NSD1: variants seen among roughly 807,000 people sequenced by gnomAD.
NSD1 encodes the protein nuclear receptor binding SET domain protein 1, also known as histone-lysine N-methyltransferase, H3 lysine-36 specific.
Under a neutral mutation model 242.7 loss-of-function variants are expected in NSD1, and 26 were observed. That is an observed-to-expected ratio of 0.11 (90% CI 0.08 to 0.15). NSD1 has a LOEUF of 0.15. Ranked by LOEUF, NSD1 falls within the 10% of genes least tolerant of loss-of-function variation. The probability of loss-of-function intolerance (pLI) is 1.00; values close to 1 mark genes in which losing one functional copy is unlikely to be tolerated. For missense variants in NSD1, 2,495 were observed against 3,272.8 expected, an observed-to-expected ratio of 0.76 and a Z score of 5.80; for synonymous variants, 1,106 against 1,178.1, an observed-to-expected ratio of 0.94 and a Z score of 1.25.
intron 3 of NSD1, among the ~76,000 whole-genome samples, chr5:177,199,117 G>C (rs1762318979): frequency 6.6e-6 from 1 of 152,186 alleles, no homozygotes; most frequent in Non-Finnish European, 1.5e-5. Flanking sequence ...CACTTTCAAT[G>C]TAGTATTCAG....
At chr5:177,188,911 T>A (rs1271871147) in intron 2 of NSD1, among the ~76,000 whole-genome samples, 3 of 152,054 alleles carry the variant, frequency 2.0e-5, no homozygotes, top group East Asian at 1.9e-4. Flanking sequence ...AATACAGAAA[T>A]TTTCCAGGCA....
At chr5:177,133,510 G>C (rs569669833), upstream of NSD1, 8 of 151,492 alleles carry the variant, frequency 5.3e-5, no homozygotes, top group East Asian at 2.0e-4. The surrounding 1 kb of genome is among the most constrained non-coding windows in gnomAD (Gnocchi z 6.2). Context: ...CCGGGCAGCC[G>C]GGCCGGCCCG....
intron 2 of NSD1, among the ~76,000 whole-genome samples, chr5:177,180,911 G>A (rs1310548016): frequency 6.6e-6 from 1 of 151,770 alleles, no homozygotes; most frequent in Admixed American, 6.6e-5. Flanking sequence ...TTGAACTCCT[G>A]ACCTCATGAT....
At chr5:177,230,694 G>A (rs1324287584) in intron 5 of NSD1, among the ~76,000 whole-genome samples, 1 of 151,986 alleles carries the variant, frequency 6.6e-6, no homozygotes, top group East Asian at 1.9e-4. Context: ...AGATGTGGTG[G>A]CTTGTGCCTG....
rs150492535 is a variant in NSD1, at chr5:177,207,593, A to ATTTTTTTTTTTTTTTTT, written c.1237-2030_1237-2014dup. The stretch of plus-strand genomic sequence containing the variant: ...CACCGTGCCTGGCCTATTTATTTAA[A>ATTTTTTTTTTTTTTTTT]TTTTTTTTTTTTTTTTTTTTTTTTT... On this transcript the variant is annotated intron_variant, in intron 4 of 22. Transcript: ENST00000439151. 3.2e-4 allele frequency among the ~76,000 whole-genome samples: 25 copies of ATTTTTTTTTTTTTTTTT among 78,220 alleles called. 2 individuals carry two copies. Among genetic ancestry groups the ATTTTTTTTTTTTTTTTT allele is most frequent in the African/African-American group, 1.8e-3 (25 of 14,182 alleles). The allele number at this position is 78,220 out of a possible 152,430, so 51.3% of individuals were successfully genotyped here.
rs1202660340 is a variant in NSD1, at chr5:177,257,063, T to C, written c.4878T>C (p.Thr1626=). The C allele has an allele frequency of 1.9e-6, 3 of 1,614,070 alleles. No homozygotes were observed. The Admixed American group carries it at 5.0e-5, about 27-fold the overall frequency. The change falls in exon 13 of 23, where the codon ACT becomes ACC. Residue 1626 remains threonine, a synonymous_variant. Coordinates refer to ENST00000439151, the MANE Select transcript of NSD1 (RefSeq NM_022455.5). ...AGTGTGTCCAGAAGTACCCACCCACTGTTATGCAGAACAAGGGCTTCCGGT... is the reference window on the plus strand; with the variant it reads ...AGTGTGTCCAGAAGTACCCACCCACCGTTATGCAGAACAAGGGCTTCCGGT... ...HEECVQKYPP[T]VMQNKGFRCS... is the part of the protein sequence containing the mutation.
intron 17 of NSD1, among the ~76,000 whole-genome samples, chr5:177,276,407 C>T (rs1758387082): frequency 6.6e-6 from 1 of 151,720 alleles, no homozygotes; most frequent in Non-Finnish European, 1.5e-5. Flanking sequence ...TCACTGCAAC[C>T]TCCATCTCCT....
At chr5:177,268,339 T>A (rs1335909767) in intron 15 of NSD1, among the ~76,000 whole-genome samples, 1 of 77,860 alleles carries the variant, frequency 1.3e-5, no homozygotes, top group African/African-American at 5.1e-5. Context: ...GGGTGGGGGG[T>A]GGGGGGAGGG....
chr5:177,230,488 A>T (rs910060807), intron 5 of NSD1, among the ~76,000 whole-genome samples: 1 of 152,102 alleles, frequency 6.6e-6, no homozygotes, highest in Non-Finnish European at 1.5e-5. Flanking sequence ...AAGTTACTCT[A>T]TGAGAGAAGC....
intron 2 of NSD1, among the ~76,000 whole-genome samples, chr5:177,138,487 C>T (rs1200037507): frequency 3.9e-5 from 6 of 152,146 alleles, no homozygotes; most frequent in Non-Finnish European, 1.5e-5. Flanking sequence ...AACTCCTGAC[C>T]TCAGGTGATC....
rs751258086 is a variant in NSD1 at position 177,210,762 on chromosome 5, G to T, written c.2363G>T (p.Arg788Leu). The T allele has an allele frequency of 6.2e-7, 1 of 1,614,164 alleles. No individual in the cohort carries two copies. Among genetic ancestry groups the T allele is most frequent in the Admixed American group, 1.7e-5 (1 of 60,020 alleles). ...LHSKSKQPKF[R>L]SIKCKHKENP... Reference sequence around the variant, plus strand: ...TCGAAAAGCAAACAGCCCAAGTTCCGAAGTATAAAGTGCAAACACAAAGAA... The same window carrying T: ...TCGAAAAGCAAACAGCCCAAGTTCCTAAGTATAAAGTGCAAACACAAAGAA... The change falls in exon 5 of 23, where the codon CGA (arginine) becomes CTA (leucine). Residue 788 changes from arginine to leucine, a missense_variant. Transcript: ENST00000439151.
chr5:177,220,641 C>G (rs1314197057), intron 5 of NSD1, among the ~76,000 whole-genome samples: 9 of 139,726 alleles, frequency 6.4e-5, no homozygotes, highest in African/African-American at 2.4e-4. Context: ...ATGATCTTAG[C>G]TCACTGCAAA....
At chr5:177,200,265 C>G (rs926785799) in intron 3 of NSD1, among the ~76,000 whole-genome samples, 2 of 151,820 alleles carry the variant, frequency 1.3e-5, no homozygotes, top group African/African-American at 4.8e-5. Flanking sequence ...TGTGCCAGCA[C>G]GCCTGGCTCA....
At chr5:177,277,383 A>G (rs1363440367) in intron 17 of NSD1, among the ~76,000 whole-genome samples, 1 of 152,188 alleles carries the variant, frequency 6.6e-6, no homozygotes, top group African/African-American at 2.4e-5. Flanking sequence ...TACATATTAC[A>G]TATGGCTGCT....
intron 5 of NSD1, among the ~76,000 whole-genome samples, chr5:177,222,030 C>T (rs1322448639): frequency 2.6e-5 from 4 of 152,108 alleles, no homozygotes; most frequent in African/African-American, 4.8e-5. Flanking sequence ...AGGCTAGTCT[C>T]GAACTCCTGA....
chr5:177,233,794 A>G (rs958904634), intron 5 of NSD1, among the ~76,000 whole-genome samples: 4 of 152,170 alleles, frequency 2.6e-5, no homozygotes, highest in Non-Finnish European at 5.9e-5. Flanking sequence ...TCTTCGGCTC[A>G]TCCTGCAGCT....
intron 2 of NSD1, among the ~76,000 whole-genome samples, chr5:177,170,111 A>C (rs1395519161): frequency 6.6e-6 from 1 of 151,558 alleles, no homozygotes; most frequent in Non-Finnish European, 1.5e-5. Context: ...CTGGGACTAC[A>C]GGCGCCCGCC....
intron 14 of NSD1, chr5:177,266,549 A>C: frequency 4.4e-6 from 3 of 686,080 alleles, no homozygotes; most frequent in African/African-American, 3.6e-5. Context: ...TGGCCACAGG[A>C]CACCTCCATG....
intron 2 of NSD1, among the ~76,000 whole-genome samples, chr5:177,187,030 T>A (rs1299907588): frequency 6.6e-6 from 1 of 151,394 alleles, no homozygotes; most frequent in Non-Finnish European, 1.5e-5. Flanking sequence ...TTATTTCTAA[T>A]GCAAAAAACA....
Sources: gnomAD v4.1 joint callset for allele counts (sites outside exome capture counted in the v4.1 genomes callset) on GRCh38, gnomAD v4.1.1 for gene constraint, Gnocchi (gnomAD v3.1) non-coding constraint, MANE v1.5 for transcripts, NCBI Gene and HGNC (gene_info 2026-07-23, HGNC 2026-07-21) for gene names.